GABRG3: variants seen among roughly 807,000 people sequenced by gnomAD.
GABRG3 encodes gamma-aminobutyric acid receptor subunit gamma-3.
In GABRG3, 25 loss-of-function variants were observed where a neutral mutation model predicts 48.8. The ratio of observed to expected loss-of-function variants is 0.51; its 90% CI spans 0.37 to 0.72. The LOEUF (loss-of-function observed/expected upper bound fraction) is 0.72, where lower values mean the gene tolerates loss of function less well. Ranked by LOEUF, GABRG3 falls within the 30% of genes least tolerant of loss-of-function variation. GABRG3 has a pLI of 0.00. For missense variants in GABRG3, 394 were observed against 577.9 expected (o/e 0.68, Z 3.26); for synonymous variants, 227 against 217.6 (o/e 1.04, Z -0.38).
intron 3 of GABRG3, among the ~76,000 whole-genome samples, chr15:27,217,998 T>C (rs1889319861): frequency 6.6e-6 from 1 of 152,102 alleles, no homozygotes; most frequent in South Asian, 2.1e-4. Context: ...GTGACCTGAA[T>C]TTGGGAACCT....
chr15:26,995,667 A>G (rs1895327646), intron 2 of GABRG3, among the ~76,000 whole-genome samples: 1 of 152,056 alleles, frequency 6.6e-6, no homozygotes, highest in East Asian at 1.9e-4. Flanking sequence ...ACGGCAATAT[A>G]CATGTCATTG....
intron 3 of GABRG3, among the ~76,000 whole-genome samples, chr15:27,269,218 T>C (rs1393171984): frequency 6.6e-6 from 1 of 152,142 alleles, no homozygotes; most frequent in African/African-American, 2.4e-5. Context: ...CCAGAACTCC[T>C]CAGTGGTATC....
intron 3 of GABRG3, among the ~76,000 whole-genome samples, chr15:27,177,654 G>A (rs1887788919): frequency 6.6e-6 from 1 of 152,214 alleles, no homozygotes; most frequent in African/African-American, 2.4e-5. Context: ...GGAGTTAACT[G>A]AGTTTGATTT....
At position 27,073,390 on chromosome 15, in the gene GABRG3, A is replaced by G. The variant is rs138592134; in HGVS notation, c.270+46569A>G. 4.3e-3 allele frequency among the ~76,000 whole-genome samples: 650 copies of G among 152,316 alleles called. 1 individual carries two copies. Among genetic ancestry groups the G allele is most frequent in the Middle Eastern group, 0.017 (5 of 294 alleles). ...CCTCAGGGGTGCCACCCCATGTGCC[A>G]TTTGCTTCTGCTTCATAGTGGCTGT... On this transcript the variant is annotated intron_variant, in intron 3 of 9. Coordinates refer to ENST00000615808, the MANE Select transcript of GABRG3 (RefSeq NM_033223.5).
At chr15:27,173,726 T>C (rs1432649368) in intron 3 of GABRG3, among the ~76,000 whole-genome samples, 1 of 137,166 alleles carries the variant, frequency 7.3e-6, no homozygotes, top group African/African-American at 2.9e-5. Context: ...AAAAAAAAAA[T>C]TAAACATTAG....
chr15:27,326,740 C>A, intron 3 of GABRG3, 69 bp from the exon 4 acceptor site: 1 of 1,298,520 alleles, frequency 7.7e-7, no homozygotes. Flanking sequence ...CAACGTTTGA[C>A]AAAGAGAACA....
chr15:27,155,518 A>G (rs1170802999), intron 3 of GABRG3, among the ~76,000 whole-genome samples: 1 of 152,088 alleles, frequency 6.6e-6, no homozygotes, highest in Non-Finnish European at 1.5e-5. Context: ...TTCAGATATT[A>G]TTTTATGCAA....
chr15:27,277,583 CATAATT>C (rs1253212754), intron 3 of GABRG3, among the ~76,000 whole-genome samples: 5 of 152,128 alleles, frequency 3.3e-5, no homozygotes, highest in Non-Finnish European at 5.9e-5. Flanking sequence ...ACATAAAACT[CATAATT>C]ATATAATGAG....
intron 5 of GABRG3, among the ~76,000 whole-genome samples, chr15:27,431,398 A>C (rs773310794): frequency 6.6e-6 from 1 of 152,118 alleles, no homozygotes; most frequent in Non-Finnish European, 1.5e-5. Context: ...GCTTTACTGA[A>C]CTTTTTTATT....
At chr15:27,323,270 C>T (rs1001888620) in intron 3 of GABRG3, among the ~76,000 whole-genome samples, 2 of 152,184 alleles carry the variant, frequency 1.3e-5, no homozygotes, top group Non-Finnish European at 2.9e-5. Flanking sequence ...TTCAATTTCT[C>T]TGTTATACTT....
chr15:27,469,620 C>G (rs556429611), intron 5 of GABRG3, among the ~76,000 whole-genome samples: 4 of 152,164 alleles, frequency 2.6e-5, no homozygotes, highest in African/African-American at 7.2e-5. Context: ...GGATCACAGA[C>G]GTGAGCCACC....
chr15:27,020,148 C>T (rs1030714043), intron 2 of GABRG3, among the ~76,000 whole-genome samples: 6 of 152,208 alleles, frequency 3.9e-5, no homozygotes, highest in South Asian at 4.1e-4. Flanking sequence ...AGAAACTTTT[C>T]GAGATGATAG....
At chr15:27,071,532 C>A (rs544244244) in intron 3 of GABRG3, among the ~76,000 whole-genome samples, 1 of 152,334 alleles carries the variant, frequency 6.6e-6, no homozygotes, top group East Asian at 1.9e-4. Context: ...GGATGTCTGC[C>A]TTTCAGTACC....
At chr15:27,366,736 G>C (rs1393784629) in intron 5 of GABRG3, among the ~76,000 whole-genome samples, 1 of 152,106 alleles carries the variant, frequency 6.6e-6, no homozygotes, top group African/African-American at 2.4e-5. Flanking sequence ...CTCATCATAA[G>C]CTCCTCCTAC....
At chr15:27,062,634 A>G (rs1019444662) in intron 3 of GABRG3, among the ~76,000 whole-genome samples, 2 of 151,792 alleles carry the variant, frequency 1.3e-5, no homozygotes, top group Non-Finnish European at 2.9e-5. Context: ...AACAAAAACA[A>G]AAAACAAACA....
intron 2 of GABRG3, among the ~76,000 whole-genome samples, chr15:26,984,396 G>A (rs971040737): frequency 6.6e-6 from 1 of 152,120 alleles, no homozygotes; most frequent in Non-Finnish European, 1.5e-5. Flanking sequence ...AGACTCGTTC[G>A]TTCATGTTGC....
At chr15:27,090,129 C>G (rs1292580392) in intron 3 of GABRG3, among the ~76,000 whole-genome samples, 2 of 152,144 alleles carry the variant, frequency 1.3e-5, no homozygotes, top group South Asian at 4.1e-4. Flanking sequence ...TCAGTAGAAA[C>G]CATACTTTTG....
chr15:27,097,957 AG>A (rs1897293157), intron 3 of GABRG3, among the ~76,000 whole-genome samples: 1 of 150,516 alleles, frequency 6.6e-6, no homozygotes, highest in Non-Finnish European at 1.5e-5. Flanking sequence ...TTTTTAAATC[AG>A]ATGTCTTATA....
intron 3 of GABRG3, among the ~76,000 whole-genome samples, chr15:27,264,097 A>G (rs1020590953): frequency 6.6e-6 from 1 of 152,168 alleles, no homozygotes; most frequent in South Asian, 2.1e-4. Flanking sequence ...AGAGGGCAGG[A>G]TTCAAATCAG....
Sources: allele counts gnomAD v4.1 joint callset (sites outside exome capture counted in the v4.1 genomes callset), GRCh38; gene constraint gnomAD v4.1.1; transcripts MANE v1.5; gene names NCBI Gene and HGNC (gene_info 2026-07-23, HGNC 2026-07-21).